Variants in JAZF1 observed in about 807,000 individuals in gnomAD.
JAZF1 encodes JAZF zinc finger 1.
A neutral mutation model predicts 26.4 loss-of-function variants in JAZF1; 8 were observed. The ratio of observed to expected loss-of-function variants is 0.30; its 90% confidence interval spans 0.18 to 0.55. JAZF1 has a LOEUF of 0.55. Among genes scored for constraint, JAZF1 ranks in the 20% least tolerant of loss-of-function variants. JAZF1 has a pLI of 0.94. For missense variants in JAZF1, 199 were observed against 322.0 expected (o/e 0.62, Z 2.92); for synonymous variants, 126 against 122.3 (o/e 1.03, Z -0.20).
At chr7:27,870,396 G>A (rs1783559589) in intron 3 of JAZF1, among the ~76,000 whole-genome samples, 1 of 152,036 alleles carries the variant, frequency 6.6e-6, no homozygotes, top group South Asian at 2.1e-4. Flanking sequence ...TTCCACATCT[G>A]CTTTAAGTTC....
At chr7:28,088,624 C>T (rs1005773628) in intron 1 of JAZF1, among the ~76,000 whole-genome samples, 4 of 152,190 alleles carry the variant, frequency 2.6e-5, no homozygotes, top group African/African-American at 9.7e-5. Context: ...CCTTTTCCTT[C>T]TACTTCCAAC....
chr7:27,987,098 G>A (rs560337983), intron 2 of JAZF1, among the ~76,000 whole-genome samples: 14 of 152,008 alleles, frequency 9.2e-5, no homozygotes, highest in African/African-American at 2.4e-4. Context: ...AGTGAGGAGC[G>A]TCTCTGCCTG....
In JAZF1 at chr7:28,171,445, T is replaced by TC. The variant is rs1311946995; in HGVS notation, c.115+9017_115+9018insG. On this transcript the variant is annotated intron_variant, in intron 1 of 4. Transcript: ENST00000283928. Reference sequence around the variant, plus strand: ...AAGTACTTCTCAATTTTTATTTTCATACCATTTCTGAAAACACGTCTTGGG... The same window carrying TC: ...AAGTACTTCTCAATTTTTATTTTCATCACCATTTCTGAAAACACGTCTTGGG... Among the ~76,000 whole-genome samples the TC allele has an allele frequency of 5.4e-4, 82 of 152,322 alleles. 1 individual carries two copies. The East Asian group carries it at 0.014, about 26-fold the overall frequency.
At chr7:27,919,335 A>C (rs866114742) in intron 2 of JAZF1, among the ~76,000 whole-genome samples, 1 of 152,328 alleles carries the variant, frequency 6.6e-6, no homozygotes, top group South Asian at 2.1e-4. Flanking sequence ...CTGGCCCCCC[A>C]TTGTGAATAG....
At chr7:27,914,434 G>C (rs1427757951) in intron 2 of JAZF1, among the ~76,000 whole-genome samples, 1 of 152,166 alleles carries the variant, frequency 6.6e-6, no homozygotes, top group Non-Finnish European at 1.5e-5. Context: ...TGGGCCGGGG[G>C]CTGTACTTTG....
intron 2 of JAZF1, among the ~76,000 whole-genome samples, chr7:27,943,298 T>A (rs951377892): frequency 1.3e-5 from 2 of 152,096 alleles, no homozygotes; most frequent in African/African-American, 4.8e-5. Flanking sequence ...CCAAATAGCA[T>A]TTCCCTGGTG....
At chr7:27,968,416 A>G (rs1785315873) in intron 2 of JAZF1, among the ~76,000 whole-genome samples, 1 of 152,214 alleles carries the variant, frequency 6.6e-6, no homozygotes, top group Admixed American at 6.5e-5. Context: ...GTCTTTTTGC[A>G]TTCAGCATCT....
intron 1 of JAZF1, among the ~76,000 whole-genome samples, chr7:28,146,863 T>C (rs554592794): frequency 1.3e-5 from 2 of 151,454 alleles, no homozygotes; most frequent in East Asian, 1.9e-4. Flanking sequence ...GGTTTTTTTT[T>C]GTTTTTTTTT....
In JAZF1 at chr7:27,831,067, T is replaced by TG. The variant is rs552629379; in HGVS notation, c.*1732dup. 5.9e-4 allele frequency: 131 copies of TG among 222,372 alleles called. No homozygotes were observed. In the Middle Eastern group the frequency reaches 0.011, roughly 19 times the overall value. 13.8% of individuals were successfully genotyped at this position (222,372 alleles called of 1,614,324 possible). A position where few individuals can be genotyped will look rare whatever the true frequency, so the allele number is the denominator to read the frequency against. On this transcript the variant is annotated 3_prime_UTR_variant, in exon 5 of 5. Coordinates refer to ENST00000283928, the MANE Select transcript of JAZF1 (RefSeq NM_175061.4). ...GGGGCCTTCTTATGCACCAACTAGT[T>TG]GCGTCTCATGTCTGGATCACCCTTT...
chr7:27,850,964 TG>T (rs1783136484), intron 3 of JAZF1, among the ~76,000 whole-genome samples: 1 of 152,182 alleles, frequency 6.6e-6, no homozygotes, highest in African/African-American at 2.4e-5. Context: ...TTTTTTGAGA[TG>T]GAGTTTCACT....
intron 1 of JAZF1, among the ~76,000 whole-genome samples, chr7:28,103,668 A>T (rs1784507831): frequency 6.6e-6 from 1 of 151,954 alleles, no homozygotes; most frequent in Non-Finnish European, 1.5e-5. Context: ...TCTTTCTCTC[A>T]TACCTAAACC....
chr7:28,166,119 T>C (rs1373636866), intron 1 of JAZF1, among the ~76,000 whole-genome samples: 3 of 151,924 alleles, frequency 2.0e-5, no homozygotes, highest in African/African-American at 4.8e-5. Flanking sequence ...GTTACATATA[T>C]ATATATATAA....
chr7:28,154,169 A>G (rs1202757482), intron 1 of JAZF1, among the ~76,000 whole-genome samples: 4 of 152,176 alleles, frequency 2.6e-5, no homozygotes, highest in South Asian at 2.1e-4. Context: ...ACTGGCTTAT[A>G]TGACTATTTA....
chr7:27,960,743 C>T (rs1056058649), intron 2 of JAZF1, among the ~76,000 whole-genome samples: 1 of 152,150 alleles, frequency 6.6e-6, no homozygotes, highest in Non-Finnish European at 1.5e-5. Flanking sequence ...GTTTCCCAAG[C>T]CACCCAGCAG....
At chr7:27,963,798 G>C (rs919604454) in intron 2 of JAZF1, among the ~76,000 whole-genome samples, 4 of 152,084 alleles carry the variant, frequency 2.6e-5, no homozygotes, top group African/African-American at 9.7e-5. Context: ...AAACTCCTGG[G>C]ATCAAGCAAT....
intron 1 of JAZF1, among the ~76,000 whole-genome samples, chr7:28,086,873 T>C (rs992574651): frequency 1.1e-4 from 17 of 152,098 alleles, no homozygotes; most frequent in Admixed American, 7.9e-4. Context: ...TCCTTAGAAG[T>C]AGAATTTTAA....
At chr7:27,885,045 C>T (rs1296244519) in intron 3 of JAZF1, among the ~76,000 whole-genome samples, 1 of 152,206 alleles carries the variant, frequency 6.6e-6, no homozygotes, top group African/African-American at 2.4e-5. Context: ...GTTTCAGAGA[C>T]ACTATAGTCA....
At chr7:27,967,097 C>T (rs1246220648) in intron 2 of JAZF1, among the ~76,000 whole-genome samples, 1 of 152,156 alleles carries the variant, frequency 6.6e-6, no homozygotes, top group South Asian at 2.1e-4. Context: ...TTTTATTATA[C>T]ACATATGTAT....
intron 1 of JAZF1, among the ~76,000 whole-genome samples, chr7:28,026,827 G>A (rs567581919): frequency 1.3e-5 from 2 of 152,190 alleles, no homozygotes; most frequent in Non-Finnish European, 2.9e-5. Flanking sequence ...CCTTACTGGT[G>A]AGTGGTCAGG....
Sources: allele counts gnomAD v4.1 joint callset (sites outside exome capture counted in the v4.1 genomes callset), GRCh38; gene constraint gnomAD v4.1.1; transcripts MANE v1.5; gene names NCBI Gene and HGNC (gene_info 2026-07-23, HGNC 2026-07-21).